ATP9A: variants seen among roughly 807,000 people sequenced by gnomAD.
ATP9A encodes the protein ATPase phospholipid transporting 9A, also known as probable phospholipid-transporting ATPase IIA.
ATP9A carries 52 observed loss-of-function variants against 144.1 expected under a neutral mutation model. That is an observed-to-expected ratio of 0.36 (90% CI 0.29 to 0.45). ATP9A has a LOEUF of 0.45. ATP9A is among the 20% of genes least tolerant of loss of function. ATP9A has a pLI of 1.00. For missense variants in ATP9A, 947 were observed against 1,392.7 expected (o/e 0.68, Z 5.09); for synonymous variants, 582 against 557.4 (o/e 1.04, Z -0.62).
At chr20:51,756,169 A>G (rs528834298) in intron 1 of ATP9A, among the ~76,000 whole-genome samples, 1 of 152,268 alleles carries the variant, frequency 6.6e-6, no homozygotes, top group East Asian at 1.9e-4. Flanking sequence ...CAGAAATCCA[A>G]GAACAAGGTG....
At chr20:51,647,687 A>T (rs888058973) in intron 14 of ATP9A, among the ~76,000 whole-genome samples, 1 of 152,078 alleles carries the variant, frequency 6.6e-6, no homozygotes, top group Non-Finnish European at 1.5e-5. Context: ...CCAAGATTGC[A>T]CCTTTGCACT....
At chr20:51,681,356 T>C (rs1298887928) in intron 9 of ATP9A, among the ~76,000 whole-genome samples, 1 of 152,240 alleles carries the variant, frequency 6.6e-6, no homozygotes, top group Admixed American at 6.5e-5. Flanking sequence ...CTCAACTGTT[T>C]TCCTTTTTAC....
chr20:51,723,839 G>C (rs2077700594), intron 3 of ATP9A, among the ~76,000 whole-genome samples: 1 of 152,056 alleles, frequency 6.6e-6, no homozygotes, highest in South Asian at 2.1e-4. Context: ...ACAGGTGTGA[G>C]CCACCGTGCC....
intron 14 of ATP9A, among the ~76,000 whole-genome samples, chr20:51,646,438 C>T (rs368870606): frequency 5.6e-4 from 85 of 152,282 alleles, no homozygotes; most frequent in African/African-American, 1.9e-3. Flanking sequence ...AAAGAGTCAC[C>T]GGTCAGCCCT....
chr20:51,704,385 T>G (rs13045222), intron 4 of ATP9A, among the ~76,000 whole-genome samples: 4 of 71,776 alleles, frequency 5.6e-5, no homozygotes, highest in Admixed American at 3.5e-4. Context: ...TGTTTTGTTG[T>G]TTTTTTTTTT....
At chr20:51,691,466 C>A (rs974156914) in intron 7 of ATP9A, among the ~76,000 whole-genome samples, 2 of 152,070 alleles carry the variant, frequency 1.3e-5, no homozygotes, top group African/African-American at 4.8e-5. Flanking sequence ...GAGACTCCGT[C>A]TCAAAAAAGA....
chr20:51,739,680 A>C lies in ATP9A; in HGVS notation c.69-9702T>G, dbSNP rs116248824. Among the ~76,000 whole-genome samples the C allele has an allele frequency of 9.4e-3, 1,431 of 152,136 alleles. 18 individuals are homozygous for C. Among genetic ancestry groups the C allele is most frequent in the African/African-American group, 0.032 (1,346 of 41,522 alleles). ...TAGCTGAGCCCAATCCCATCTCTGA[A>C]TTTCAGGCATGATGTGCGCAGGCTC... On this transcript the variant is annotated intron_variant, in intron 1 of 27. Transcript: ENST00000338821.
intron 13 of ATP9A, among the ~76,000 whole-genome samples, chr20:51,665,295 T>C (rs887863824): frequency 2.0e-5 from 3 of 152,190 alleles, no homozygotes; most frequent in Non-Finnish European, 1.5e-5. Flanking sequence ...TTAGGGTTGA[T>C]AAAAATGTTC....
chr20:51,656,806 G>A (rs2077388529), intron 14 of ATP9A, 132 bp downstream of exon 14: 2 of 764,050 alleles, frequency 2.6e-6, no homozygotes, highest in South Asian at 3.7e-5. Flanking sequence ...TTGAAAATGT[G>A]TTTCCCAGCA....
chr20:51,699,312 G>T (rs565743921), intron 4 of ATP9A, among the ~76,000 whole-genome samples: 1 of 116,922 alleles, frequency 8.6e-6, no homozygotes, highest in East Asian at 2.6e-4. Context: ...CAGCCTGGGC[G>T]ACACAAGCAA....
chr20:51,693,683 G>A (rs1381541648), intron 7 of ATP9A, among the ~76,000 whole-genome samples: 1 of 152,152 alleles, frequency 6.6e-6, no homozygotes, highest in African/African-American at 2.4e-5. Flanking sequence ...GACTACAGGT[G>A]CATGCCGCTG....
chr20:51,693,616 C>T (rs1456020311), intron 7 of ATP9A, among the ~76,000 whole-genome samples: 1 of 152,124 alleles, frequency 6.6e-6, no homozygotes, highest in African/African-American at 2.4e-5. Context: ...TGGCTCACTG[C>T]AGCCTCGAAC....
intron 1 of ATP9A, among the ~76,000 whole-genome samples, chr20:51,758,677 A>T (rs2122916150): frequency 6.6e-6 from 1 of 152,298 alleles, no homozygotes; most frequent in South Asian, 2.1e-4. Flanking sequence ...TTGTAATCCC[A>T]GCACTTTGGA....
intron 4 of ATP9A, among the ~76,000 whole-genome samples, chr20:51,712,118 G>A (rs1432926251): frequency 3.3e-5 from 5 of 150,338 alleles, no homozygotes; most frequent in Admixed American, 3.3e-4. Flanking sequence ...TGTCGCCCAG[G>A]CTGGAGTGCA....
At chr20:51,636,253 C>T (rs2077291967) in intron 15 of ATP9A, among the ~76,000 whole-genome samples, 1 of 152,168 alleles carries the variant, frequency 6.6e-6, no homozygotes, top group African/African-American at 2.4e-5. Flanking sequence ...ACAGATGATT[C>T]ATGTCCGGGA....
chr20:51,757,047 AT>A (rs2077859644), intron 1 of ATP9A, among the ~76,000 whole-genome samples: 1 of 152,164 alleles, frequency 6.6e-6, no homozygotes, highest in Non-Finnish European at 1.5e-5. Context: ...GTCTGGAGAC[AT>A]TCTTGATTGT....
At chr20:51,738,218 CA>C (rs1303911615) in intron 1 of ATP9A, among the ~76,000 whole-genome samples, 4 of 152,038 alleles carry the variant, frequency 2.6e-5, no homozygotes, top group African/African-American at 9.6e-5. Flanking sequence ...TTAGTACAGA[CA>C]GGGTTTCACC....
chr20:51,601,082 C>G lies in ATP9A; in HGVS notation c.*129G>C. On this transcript the variant is annotated 3_prime_UTR_variant, in exon 28 of 28. Coordinates refer to ENST00000338821, the MANE Select transcript of ATP9A (RefSeq NM_006045.3). ...AGGACTCCGTTTAGGCGCAGAGCCACTTCCCATTAAAACTGCATGTGTTAG... is the reference window on the plus strand; with the variant it reads ...AGGACTCCGTTTAGGCGCAGAGCCAGTTCCCATTAAAACTGCATGTGTTAG... The G allele has an allele frequency of 8.3e-7, 1 of 1,206,032 alleles. No homozygotes were observed. The highest frequency in any genetic ancestry group is 2.6e-5 in the East Asian group (1 of 38,304). 74.7% of individuals were successfully genotyped at this position (1,206,032 alleles called of 1,614,324 possible). A position where few individuals can be genotyped will look rare whatever the true frequency, so the allele number is the denominator to read the frequency against.
At chr20:51,617,360 G>T in intron 22 of ATP9A, 130 bp downstream of exon 22, 1 of 951,960 alleles carries the variant, frequency 1.1e-6, no homozygotes, top group Non-Finnish European at 1.6e-6. Context: ...CAAGGTAACT[G>T]TGACACATGA....
Sources: gnomAD v4.1 joint callset for allele counts (sites outside exome capture counted in the v4.1 genomes callset) on GRCh38, gnomAD v4.1.1 for gene constraint, MANE v1.5 for transcripts, NCBI Gene and HGNC (gene_info 2026-07-23, HGNC 2026-07-21) for gene names.